The following DDX10 variants were observed in gnomAD, a reference collection of about 807,000 sequenced individuals.
The protein encoded by DDX10 is probable ATP-dependent RNA helicase DDX10.
In DDX10, 74 loss-of-function variants were observed where a neutral mutation model predicts 104.3. The ratio of observed to expected loss-of-function variants is 0.71; its 90% confidence interval spans 0.59 to 0.86. The LOEUF is 0.86. DDX10 is among the 40% of genes least tolerant of loss of function. DDX10 has a pLI of 0.00. For missense variants in DDX10, 952 were observed against 1,040.0 expected (o/e 0.92, Z 1.16); for synonymous variants, 351 against 353.4 (o/e 0.99, Z 0.08).
At chr11:108,921,041 C>G (rs1049373434) in intron 17 of DDX10, 3 of 152,172 alleles carry the variant, frequency 2.0e-5, no homozygotes, top group African/African-American at 7.2e-5. Flanking sequence ...CTAAGCAGTC[C>G]TCAGCACAGT....
At chr11:108,689,177 G>A in intron 7 of DDX10, 115 bp downstream of exon 7, 1 of 1,094,076 alleles carries the variant, frequency 9.1e-7, no homozygotes, top group Non-Finnish European at 1.3e-6. Context: ...GTGTGGTGAG[G>A]GATCTTTCGT....
At chr11:108,824,280 C>T (rs952203600) in intron 13 of DDX10, among the ~76,000 whole-genome samples, 2 of 152,096 alleles carry the variant, frequency 1.3e-5, no homozygotes, top group Non-Finnish European at 2.9e-5. Context: ...TGACCTCAAG[C>T]GATCCACCTA....
At chr11:108,921,366 A>G (rs1246398059) in intron 17 of DDX10, 2 of 152,198 alleles carry the variant, frequency 1.3e-5, no homozygotes, top group Non-Finnish European at 2.9e-5. Flanking sequence ...GTTTTTCTGT[A>G]TTCTTCCAGT....
At chr11:108,916,044 A>G (rs1233667279) in intron 16 of DDX10, among the ~76,000 whole-genome samples, 1 of 151,624 alleles carries the variant, frequency 6.6e-6, no homozygotes, top group East Asian at 1.9e-4. Context: ...GAATAAATAT[A>G]TTTTTTAAAT....
intron 16 of DDX10, among the ~76,000 whole-genome samples, chr11:108,858,993 A>G (rs754256924): frequency 3.3e-5 from 5 of 152,224 alleles, no homozygotes; most frequent in Non-Finnish European, 5.9e-5. Context: ...GGATCCTGCT[A>G]AAATGTCTTC....
chr11:108,899,098 C>T (rs1371723828), intron 16 of DDX10, among the ~76,000 whole-genome samples: 1 of 152,078 alleles, frequency 6.6e-6, no homozygotes, highest in Non-Finnish European at 1.5e-5. Context: ...TCTGCGTTAT[C>T]TCTCAATCTC....
intron 7 of DDX10, chr11:108,690,779 G>T: frequency 3.9e-6 from 1 of 254,896 alleles, no homozygotes. Flanking sequence ...ATCTCCTCCA[G>T]GGACTTGGTC....
In DDX10 at chr11:108,723,021, A is replaced by G. The variant is rs751587311; in HGVS notation, c.1524A>G (p.Pro508=). The change falls in exon 13 of 18, where the codon CCA becomes CCG. Residue 508 remains proline (P), a synonymous_variant. Transcript: ENST00000322536. The part of the protein sequence containing the change: ...YALSLGLAVA[P]RVRFLQKMQK... ...GGTCTCTTGGTCTTGCTGTGGCACC[A>G]CGCGTAAGATTTCTTCAGAAAATGC... The G allele has an allele frequency of 6.2e-7, 1 of 1,610,002 alleles. No individual in the cohort carries two copies.
chr11:108,695,026 T>C (rs368738872), intron 9 of DDX10, among the ~76,000 whole-genome samples: 1 of 152,254 alleles, frequency 6.6e-6, no homozygotes, highest in East Asian at 1.9e-4. Flanking sequence ...AGCTGGGAGG[T>C]ATACATTCTT....
At chr11:108,927,314 T>C (rs1490625411) in intron 17 of DDX10, among the ~76,000 whole-genome samples, 1 of 152,226 alleles carries the variant, frequency 6.6e-6, no homozygotes, top group Non-Finnish European at 1.5e-5. Context: ...CATACAAACT[T>C]GCACACCCCT....
intron 16 of DDX10, among the ~76,000 whole-genome samples, chr11:108,911,460 G>A (rs926412221): frequency 2.6e-5 from 4 of 151,698 alleles, no homozygotes; most frequent in Non-Finnish European, 4.4e-5. Flanking sequence ...GAGGGGCTGA[G>A]CAAGTTTCCT....
intron 13 of DDX10, among the ~76,000 whole-genome samples, chr11:108,826,255 C>T (rs542674932): frequency 6.6e-6 from 1 of 152,102 alleles, no homozygotes; most frequent in African/African-American, 2.4e-5. Context: ...GACTTTCATC[C>T]AGTGTAACTA....
intron 9 of DDX10, 41 bp from the exon 10 acceptor site, chr11:108,706,698 A>G (rs2094276600): frequency 1.4e-6 from 2 of 1,440,642 alleles, no homozygotes; most frequent in East Asian, 4.5e-5. Context: ...TAAAATGCAG[A>G]TTGCATTGAT....
At chr11:108,928,858 T>G (rs531270149) in intron 17 of DDX10, among the ~76,000 whole-genome samples, 71 of 152,336 alleles carry the variant, frequency 4.7e-4, no homozygotes, top group African/African-American at 1.6e-3. Flanking sequence ...TAAAACTTAA[T>G]GTCCTCTAGG....
At chr11:108,675,505 C>T in intron 2 of DDX10, 91 bp from the exon 3 acceptor site, 2 of 1,431,972 alleles carry the variant, frequency 1.4e-6, no homozygotes, top group Non-Finnish European at 9.5e-7. Flanking sequence ...AGGGCTTCAA[C>T]ATAGGAATTT....
In DDX10 at chr11:108,800,442, CAAAAAA is replaced by C. The variant is rs61200843; in HGVS notation, c.1966-37989_1966-37984del. ...CCTGGGCGACAGAGCGAGACTCTTT[CAAAAAA>C]AAAAAAAAAAAAAAGAACATCTTAA... On this transcript the variant is annotated intron_variant, in intron 13 of 17. Transcript: ENST00000322536. Among the ~76,000 whole-genome samples the C allele has an allele frequency of 1.5e-4, 14 of 94,412 alleles. 1 individual carries two copies. The East Asian group carries it at 2.4e-3, about 16-fold the overall frequency. 61.9% of individuals were successfully genotyped at this position (94,412 alleles called of 152,430 possible). A position where few individuals can be genotyped will look rare whatever the true frequency, so the allele number is the denominator to read the frequency against.
At chr11:108,749,189 C>T (rs961550911) in intron 13 of DDX10, among the ~76,000 whole-genome samples, 7 of 152,046 alleles carry the variant, frequency 4.6e-5, no homozygotes, top group African/African-American at 1.2e-4. Flanking sequence ...CGTGAATCAT[C>T]GTGCCTGGCC....
intron 13 of DDX10, among the ~76,000 whole-genome samples, chr11:108,784,228 A>G (rs1326038968): frequency 1.3e-5 from 2 of 152,190 alleles, no homozygotes; most frequent in African/African-American, 4.8e-5. Context: ...GATATCTCCA[A>G]ACTGCTTTCC....
chr11:108,684,121 T>G (rs1473389931), intron 6 of DDX10, among the ~76,000 whole-genome samples: 3 of 147,294 alleles, frequency 2.0e-5, no homozygotes, highest in African/African-American at 7.4e-5. Flanking sequence ...GTTCTAAGTT[T>G]ATCTTATCTA....
Sources: gnomAD v4.1 joint callset for allele counts (sites outside exome capture counted in the v4.1 genomes callset) on GRCh38, gnomAD v4.1.1 for gene constraint, MANE v1.5 for transcripts, NCBI Gene and HGNC (gene_info 2026-07-23, HGNC 2026-07-21) for gene names.